The following ROR1 variants were observed in gnomAD, a reference collection of about 807,000 sequenced individuals.
The protein encoded by ROR1 is inactive tyrosine-protein kinase transmembrane receptor ROR1.
Under a neutral mutation model 78.8 loss-of-function variants are expected in ROR1, and 19 were observed. The observed-to-expected ratio is 0.24, with a 90% CI of 0.17 to 0.35. The LOEUF (loss-of-function observed/expected upper bound fraction) is 0.35, where lower values mean the gene tolerates loss of function less well. Ranked by LOEUF, ROR1 falls within the 10% of genes least tolerant of loss-of-function variation. The pLI is 1.00. For missense variants in ROR1, 917 were observed against 1,177.8 expected (o/e 0.78, Z 3.24); for synonymous variants, 386 against 433.6 (o/e 0.89, Z 1.36).
intron 1 of ROR1, among the ~76,000 whole-genome samples, chr1:64,002,833 A>G (rs1286008862): frequency 1.3e-5 from 2 of 152,166 alleles, no homozygotes; most frequent in African/African-American, 2.4e-5. Context: ...GGCCTCTGGT[A>G]TTGGTTCTCC....
At chr1:63,843,426 G>A in intron 1 of ROR1, 1 of 741,564 alleles carries the variant, frequency 1.3e-6, no homozygotes, top group Non-Finnish European at 2.5e-6. Context: ...GGTCTCGTAG[G>A]TTGTGTCACA....
At chr1:63,978,691 A>G (rs1209403594) in intron 1 of ROR1, among the ~76,000 whole-genome samples, 1 of 152,232 alleles carries the variant, frequency 6.6e-6, no homozygotes, top group Non-Finnish European at 1.5e-5. Context: ...TCTATAAGAG[A>G]ACATGTATAA....
At chr1:64,039,239 A>G (rs961296945) in intron 2 of ROR1, among the ~76,000 whole-genome samples, 1 of 152,234 alleles carries the variant, frequency 6.6e-6, no homozygotes, top group Non-Finnish European at 1.5e-5. Flanking sequence ...CTTGAAGTTT[A>G]CATTCTGGGA....
At chr1:64,097,519 G>T (rs1226613000) in intron 4 of ROR1, among the ~76,000 whole-genome samples, 1 of 151,650 alleles carries the variant, frequency 6.6e-6, no homozygotes, top group East Asian at 1.9e-4. Flanking sequence ...GTTTATCACA[G>T]ACAAGATTGT....
rs369249242 is a variant in ROR1 at position 64,030,782 on chromosome 1, T to C, written c.164-18909T>C. Among the ~76,000 whole-genome samples, 11 of 152,332 alleles carry C rather than the reference T, an allele frequency of 7.2e-5. 1 individual carries two copies. The highest frequency in any genetic ancestry group is 1.4e-4 in the African/African-American group (6 of 41,582). On this transcript the variant is annotated intron_variant, in intron 2 of 8. Coordinates refer to ENST00000371079, the MANE Select transcript of ROR1 (RefSeq NM_005012.4). ...CTAACTTCTCCCATCCCTTTGTGGG[T>C]AATATATATTAGAAAACTTATATTT...
At chr1:63,850,873 A>C (rs1473007019) in intron 1 of ROR1, among the ~76,000 whole-genome samples, 1 of 152,162 alleles carries the variant, frequency 6.6e-6, no homozygotes, top group East Asian at 1.9e-4. Context: ...CTGGGGCCCA[A>C]TTTACAGTAG....
chr1:63,826,403 T>C (rs936152789), intron 1 of ROR1, among the ~76,000 whole-genome samples: 1 of 152,200 alleles, frequency 6.6e-6, no homozygotes, highest in Non-Finnish European at 1.5e-5. Flanking sequence ...TCCATCCATG[T>C]ACTTGCAAAG....
At chr1:64,007,813 T>G (rs1570049521) in intron 1 of ROR1, among the ~76,000 whole-genome samples, 2 of 152,170 alleles carry the variant, frequency 1.3e-5, no homozygotes, top group Non-Finnish European at 2.9e-5. Context: ...TGTTCTTCCT[T>G]AGGAAGGCTA....
intron 4 of ROR1, among the ~76,000 whole-genome samples, chr1:64,109,487 T>A (rs1002768020): frequency 1.3e-5 from 2 of 152,142 alleles, no homozygotes; most frequent in Non-Finnish European, 2.9e-5. Flanking sequence ...CCTGCACTTA[T>A]GATGTGGTGC....
At chr1:63,975,119 A>G (rs1169911924) in intron 1 of ROR1, among the ~76,000 whole-genome samples, 3 of 152,218 alleles carry the variant, frequency 2.0e-5, no homozygotes, top group Non-Finnish European at 2.9e-5. Flanking sequence ...ACTGCTCTAC[A>G]GTGGCCCAAC....
intron 4 of ROR1, among the ~76,000 whole-genome samples, chr1:64,070,374 GC>G (rs1646993717): frequency 6.6e-6 from 1 of 152,168 alleles, no homozygotes; most frequent in African/African-American, 2.4e-5. Flanking sequence ...TGTCACCTAG[GC>G]TGGAGTGCAG....
intron 1 of ROR1, among the ~76,000 whole-genome samples, chr1:63,797,439 G>A (rs891124283): frequency 1.3e-5 from 2 of 152,122 alleles, no homozygotes; most frequent in African/African-American, 2.4e-5. Flanking sequence ...GAATTTTCCC[G>A]AGTTCCTCCT....
At chr1:63,814,076 T>C (rs1032443439) in intron 1 of ROR1, among the ~76,000 whole-genome samples, 4 of 152,220 alleles carry the variant, frequency 2.6e-5, no homozygotes, top group African/African-American at 9.6e-5. Flanking sequence ...ATAGTTTCTG[T>C]GTACATTTTA....
chr1:64,039,512 G>T (rs1455149916), intron 2 of ROR1, among the ~76,000 whole-genome samples: 1 of 152,194 alleles, frequency 6.6e-6, no homozygotes, highest in African/African-American at 2.4e-5. Context: ...TCAGGCCAGG[G>T]TAGTGAAAAT....
intron 1 of ROR1, among the ~76,000 whole-genome samples, chr1:63,881,821 C>T (rs1254211840): frequency 1.3e-5 from 2 of 152,098 alleles, no homozygotes; most frequent in African/African-American, 4.8e-5. Context: ...CAGATCCAAT[C>T]TATTAATTGG....
chr1:63,885,978 G>A (rs772538331), intron 1 of ROR1, among the ~76,000 whole-genome samples: 57 of 145,100 alleles, frequency 3.9e-4, no homozygotes, highest in African/African-American at 1.0e-4. Flanking sequence ...ATGTAGAATC[G>A]GTGGGAGCCC....
chr1:63,895,416 A>G (rs1213365241), intron 1 of ROR1, among the ~76,000 whole-genome samples: 1 of 152,182 alleles, frequency 6.6e-6, no homozygotes, highest in East Asian at 1.9e-4. Flanking sequence ...TAAACCATGT[A>G]TCTTGGTTTC....
At chr1:63,839,215 T>G (rs1282615673) in intron 1 of ROR1, among the ~76,000 whole-genome samples, 1 of 152,236 alleles carries the variant, frequency 6.6e-6, no homozygotes, top group Non-Finnish European at 1.5e-5. Flanking sequence ...AACATTTACC[T>G]TAAAGAAATA....
At chr1:63,907,108 T>C (rs1277509120) in intron 1 of ROR1, among the ~76,000 whole-genome samples, 1 of 152,216 alleles carries the variant, frequency 6.6e-6, no homozygotes, top group Non-Finnish European at 1.5e-5. Flanking sequence ...TATGGACAGC[T>C]CTCTCCACAG....
Sources: gnomAD v4.1 joint callset for allele counts (sites outside exome capture counted in the v4.1 genomes callset) on GRCh38, gnomAD v4.1.1 for gene constraint, MANE v1.5 for transcripts, NCBI Gene and HGNC (gene_info 2026-07-23, HGNC 2026-07-21) for gene names.